Variants in TOM1L1 observed in about 807,000 individuals in gnomAD.
TOM1L1 encodes target of myb1 like 1 membrane trafficking protein, also known as TOM1-like protein 1.
In TOM1L1, 64 loss-of-function variants were observed where a neutral mutation model predicts 63.4. That is an observed-to-expected ratio of 1.01 (90% CI 0.83 to 1.24). The LOEUF (loss-of-function observed/expected upper bound fraction) is 1.24, where lower values mean the gene tolerates loss of function less well. Ranked by LOEUF, TOM1L1 falls within the 50% of genes most tolerant of loss-of-function variation. The probability of loss-of-function intolerance (pLI) is 0.00; values close to 1 mark genes in which losing one functional copy is unlikely to be tolerated. For synonymous variants in TOM1L1, 166 were observed against 194.4 expected (o/e 0.85, Z 1.22); for missense variants, 536 against 567.0 (o/e 0.95, Z 0.55).
intron 5 of TOM1L1, 60 bp from the exon 6 acceptor site, chr17:54,914,579 C>T: frequency 2.1e-6 from 3 of 1,398,578 alleles, no homozygotes; most frequent in Non-Finnish European, 3.0e-6. Flanking sequence ...ATGGAAAAAA[C>T]TTGGCGTTGG....
At chr17:54,935,089 G>A (rs1425823550) in intron 8 of TOM1L1, among the ~76,000 whole-genome samples, 1 of 152,176 alleles carries the variant, frequency 6.6e-6, no homozygotes, top group Non-Finnish European at 1.5e-5. Flanking sequence ...TGTCACGCGT[G>A]AAGAGACCAC....
chr17:54,942,334 C>T (rs2049045221), intron 11 of TOM1L1: 1 of 150,988 alleles, frequency 6.6e-6, no homozygotes, highest in African/African-American at 2.4e-5. Context: ...GTCTCAAACT[C>T]CTGACCTACG....
Position 54,907,676 on chromosome 17 carries a change from C to T in TOM1L1, c.222+2109C>T, listed in dbSNP as rs543750879. 3.9e-5 allele frequency among the ~76,000 whole-genome samples: 6 copies of T among 152,112 alleles called. No homozygotes were observed. In the South Asian group the frequency reaches 8.3e-4, roughly 21 times the overall value. On this transcript the variant is annotated intron_variant, in intron 3 of 15. Transcript: ENST00000575882. ...GGGCTAATGGAAGGTACTGTAGAAC[C>T]GGAGTAGAAAGATGTGTAGATGTAC...
intron 8 of TOM1L1, among the ~76,000 whole-genome samples, chr17:54,934,631 C>T (rs2048916671): frequency 6.6e-6 from 1 of 152,120 alleles, no homozygotes; most frequent in Non-Finnish European, 1.5e-5. Context: ...AAATTTGTCA[C>T]TCAGGGCTTG....
rs1693836083 is a variant in TOM1L1, at chr17:54,961,951, A to C, written c.*718A>C. ...TTTGATGACAAATAAATCACTATTA[A>C]AACAATTTAATACTTTTTTTTTTTA... On this transcript the variant is annotated 3_prime_UTR_variant, in exon 16 of 16. Coordinates refer to ENST00000575882, the MANE Select transcript of TOM1L1 (RefSeq NM_005486.3). The C allele has an allele frequency of 6.6e-6, 6 of 904,128 alleles. No individual in the cohort carries two copies. The highest frequency in any genetic ancestry group is 7.9e-6 in the Non-Finnish European group (6 of 762,936). 56.0% of individuals were successfully genotyped at this position (904,128 alleles called of 1,614,324 possible). A position where few individuals can be genotyped will look rare whatever the true frequency, so the allele number is the denominator to read the frequency against.
chr17:54,951,604 T>C (rs1172528502), intron 14 of TOM1L1, among the ~76,000 whole-genome samples: 2 of 152,230 alleles, frequency 1.3e-5, no homozygotes, highest in Non-Finnish European at 2.9e-5. Flanking sequence ...ACAAGGGCTA[T>C]GGGAGTTGTG....
At position 54,923,594 on chromosome 17, in the gene TOM1L1, G is replaced by A. The variant is rs111493927; in HGVS notation, c.721-6479G>A. The stretch of plus-strand genomic sequence containing the variant: ...GGAGTCTTGCTCTGTCACCCAGGCT[G>A]GAGTGCAGTGGCGCGATCTCGGCTC... On this transcript the variant is annotated intron_variant, in intron 7 of 15. Coordinates refer to ENST00000575882, the MANE Select transcript of TOM1L1 (RefSeq NM_005486.3). Among the ~76,000 whole-genome samples, 24 of 151,882 alleles carry A rather than the reference G, an allele frequency of 1.6e-4. 2 individuals are homozygous for A. The highest frequency in any genetic ancestry group is 5.5e-4 in the African/African-American group (23 of 41,452).
At chr17:54,951,052 C>T (rs1239487146) in intron 14 of TOM1L1, among the ~76,000 whole-genome samples, 3 of 152,126 alleles carry the variant, frequency 2.0e-5, no homozygotes, top group East Asian at 1.9e-4. Flanking sequence ...CCCACCACCC[C>T]GACACCTACC....
At chr17:54,912,914 A>T in intron 4 of TOM1L1, 99 bp downstream of exon 4, 1 of 1,095,038 alleles carries the variant, frequency 9.1e-7, no homozygotes. Context: ...TATATCTAGG[A>T]TTGAGCTAGA....
rs777352041 is a variant in TOM1L1 at position 54,938,881 on chromosome 17, G to GTTTTAAAGCCAA, written c.1034-43_1034-42insTTTTAAAGCCAA. ...TGTAGAAAATCCAGCATAACTGACTGACAAAATGTTTTAAAGCCAAACAAG... is the reference window on the plus strand; with the variant it reads ...TGTAGAAAATCCAGCATAACTGACTGTTTTAAAGCCAAACAAAATGTTTTAAAGCCAAACAAG... On this transcript the variant is annotated intron_variant, in intron 10 of 15. Transcript: ENST00000575882. 14 of 1,212,938 alleles carry GTTTTAAAGCCAA rather than the reference G, an allele frequency of 1.2e-5. No individual in the cohort carries two copies. The South Asian group carries it at 1.9e-4, about 16-fold the overall frequency. 75.1% of individuals were successfully genotyped at this position (1,212,938 alleles called of 1,614,324 possible).
intron 4 of TOM1L1, among the ~76,000 whole-genome samples, chr17:54,913,060 C>T (rs2048522001): frequency 6.6e-6 from 1 of 152,156 alleles, no homozygotes; most frequent in East Asian, 1.9e-4. Flanking sequence ...ATAGGAAAGA[C>T]AGTGATCTGT....
At chr17:54,903,009 G>A (rs2048352478) in intron 1 of TOM1L1, among the ~76,000 whole-genome samples, 1 of 152,164 alleles carries the variant, frequency 6.6e-6, no homozygotes, top group Non-Finnish European at 1.5e-5. Flanking sequence ...ACATAGTTGA[G>A]GTAAGCAGTG....
chr17:54,910,773 T>G (rs2048485077), intron 3 of TOM1L1, among the ~76,000 whole-genome samples: 1 of 152,258 alleles, frequency 6.6e-6, no homozygotes, highest in Non-Finnish European at 1.5e-5. Flanking sequence ...TCCCTGTGTT[T>G]CACACAGCTG....
chr17:54,914,756 A>C lies in TOM1L1; in HGVS notation c.603+13A>C. On this transcript the variant is annotated intron_variant, in intron 6 of 15. Coordinates refer to ENST00000575882, the MANE Select transcript of TOM1L1 (RefSeq NM_005486.3). ...GGTCCCAGAACAGGTAACAACAACA[A>C]TCATTGCATTTAATTGATGTCTTTT... The C allele has an allele frequency of 6.4e-7, 1 of 1,566,838 alleles. No homozygotes were observed. Among genetic ancestry groups the C allele is most frequent in the Non-Finnish European group, 8.8e-7 (1 of 1,142,796 alleles).
intron 1 of TOM1L1, among the ~76,000 whole-genome samples, chr17:54,901,731 G>C (rs2048330837): frequency 6.6e-6 from 1 of 152,112 alleles, no homozygotes; most frequent in South Asian, 2.1e-4. Context: ...TGATGAAATC[G>C]TGAGAACCTA....
At chr17:54,911,427 C>T (rs897110363) in intron 3 of TOM1L1, among the ~76,000 whole-genome samples, 2 of 152,100 alleles carry the variant, frequency 1.3e-5, no homozygotes, top group African/African-American at 4.8e-5. Context: ...TGTGTGTGTC[C>T]AGCTCACTGC....
At chr17:54,931,965 T>TG (rs1427827703) in intron 8 of TOM1L1, among the ~76,000 whole-genome samples, 6 of 80,688 alleles carry the variant, frequency 7.4e-5, no homozygotes, top group African/African-American at 2.8e-4. Context: ...TTTTTGTTTG[T>TG]TTGTTTGTTT....
intron 12 of TOM1L1, among the ~76,000 whole-genome samples, chr17:54,948,203 C>G (rs139733214): frequency 6.6e-6 from 1 of 152,314 alleles, no homozygotes; most frequent in African/African-American, 2.4e-5. Flanking sequence ...AAGGGAAGCC[C>G]TGTTTCAACC....
intron 8 of TOM1L1, among the ~76,000 whole-genome samples, chr17:54,935,992 A>G (rs1034817917): frequency 6.6e-6 from 1 of 152,016 alleles, no homozygotes; most frequent in African/African-American, 2.4e-5. Flanking sequence ...GCATGGTGGC[A>G]CACGCCTGTA....
Sources: allele counts gnomAD v4.1 joint callset (sites outside exome capture counted in the v4.1 genomes callset), GRCh38; gene constraint gnomAD v4.1.1; transcripts MANE v1.5; gene names NCBI Gene and HGNC (gene_info 2026-07-23, HGNC 2026-07-21).